The following PDSS1 variants were observed in gnomAD, a reference collection of about 807,000 sequenced individuals.
PDSS1 encodes decaprenyl diphosphate synthase subunit 1, also known as all trans-polyprenyl-diphosphate synthase PDSS1.
Under a neutral mutation model 57.5 loss-of-function variants are expected in PDSS1, and 43 were observed. That is an observed-to-expected ratio of 0.75 (90% CI 0.59 to 0.96). The LOEUF (loss-of-function observed/expected upper bound fraction) is 0.96. Among genes scored for constraint, PDSS1 ranks in the 50% least tolerant of loss-of-function variants. PDSS1 has a pLI of 0.00. For synonymous variants in PDSS1, 175 were observed against 191.3 expected (o/e 0.91, Z 0.70); for missense variants, 438 against 527.8 (o/e 0.83, Z 1.67).
intron 8 of PDSS1, among the ~76,000 whole-genome samples, chr10:26,726,934 C>T (rs1021379673): frequency 1.3e-5 from 2 of 151,930 alleles, no homozygotes; most frequent in Non-Finnish European, 2.9e-5. Flanking sequence ...TGGTGGTGCA[C>T]GCCTGTAATG....
intron 8 of PDSS1, chr10:26,734,853 G>T: frequency 2.3e-6 from 1 of 435,738 alleles, no homozygotes; most frequent in East Asian, 6.8e-5. Flanking sequence ...AATCGGGCTA[G>T]CTTGCCGAGT....
At chr10:26,738,188 G>GT (rs1256065864) in intron 10 of PDSS1, among the ~76,000 whole-genome samples, 3 of 152,172 alleles carry the variant, frequency 2.0e-5, no homozygotes, top group Admixed American at 2.0e-4. Context: ...CAAAAATAAC[G>GT]TAAGAATATG....
intron 5 of PDSS1, among the ~76,000 whole-genome samples, chr10:26,716,070 A>C (rs1329062031): frequency 6.6e-6 from 1 of 152,204 alleles, no homozygotes; most frequent in Non-Finnish European, 1.5e-5. Context: ...AAAAATTCCC[A>C]CTGAAGAGAG....
At chr10:26,732,229 GT>G (rs1836232583) in intron 8 of PDSS1, among the ~76,000 whole-genome samples, 1 of 152,214 alleles carries the variant, frequency 6.6e-6, no homozygotes, top group Non-Finnish European at 1.5e-5. Flanking sequence ...TGTGGCAGTT[GT>G]TTTCTGTTTT....
intron 11 of PDSS1, among the ~76,000 whole-genome samples, chr10:26,744,308 G>A (rs1171432305): frequency 1.3e-5 from 2 of 151,758 alleles, no homozygotes; most frequent in Admixed American, 6.6e-5. Context: ...AAATCCGAAG[G>A]CAAAAGAAAG....
In PDSS1 at chr10:26,737,758, T is replaced by C. The variant is rs1240765804; in HGVS notation, c.1026+2179T>C. On this transcript the variant is annotated intron_variant, in intron 10 of 11. Transcript: ENST00000376215. ...AAAAAAAAAAAAAAAAAAAGGCTGG[T>C]TAAAAAAAGCAAGCAAAAGGAAAAA... 3.1e-5 allele frequency among the ~76,000 whole-genome samples: 4 copies of C among 130,112 alleles called. No homozygotes were observed. The East Asian group carries it at 9.0e-4, about 29-fold the overall frequency. 85.4% of individuals were successfully genotyped at this position (130,112 alleles called of 152,430 possible).
At chr10:26,716,058 A>T (rs1184738656) in intron 5 of PDSS1, among the ~76,000 whole-genome samples, 1 of 152,170 alleles carries the variant, frequency 6.6e-6, no homozygotes, top group Non-Finnish European at 1.5e-5. Context: ...GGATCAAGTT[A>T]AAAAAATTCC....
intron 8 of PDSS1, among the ~76,000 whole-genome samples, chr10:26,731,196 C>T (rs1836181567): frequency 6.6e-6 from 1 of 152,206 alleles, no homozygotes; most frequent in South Asian, 2.1e-4. Flanking sequence ...CAAAAATTAG[C>T]CAGGTATGGT....
chr10:26,728,455 A>G (rs1452219829), intron 8 of PDSS1, among the ~76,000 whole-genome samples: 1 of 152,008 alleles, frequency 6.6e-6, no homozygotes, highest in African/African-American at 2.4e-5. Flanking sequence ...GCACCATTGC[A>G]CTCAAGCCTG....
At chr10:26,718,971 T>C (rs960546176) in intron 5 of PDSS1, among the ~76,000 whole-genome samples, 2 of 152,182 alleles carry the variant, frequency 1.3e-5, no homozygotes, top group African/African-American at 4.8e-5. Context: ...TTTATGTAGT[T>C]ATACTTCATT....
chr10:26,703,530 A>T (rs570555510), intron 2 of PDSS1, among the ~76,000 whole-genome samples: 1 of 152,270 alleles, frequency 6.6e-6, no homozygotes, highest in South Asian at 2.1e-4. Flanking sequence ...AGATGCCCTT[A>T]TTTATAAGTA....
rs746132971 is a variant in PDSS1, at chr10:26,709,687, T to C, written c.386T>C (p.Phe129Ser). 3.4e-5 allele frequency: 55 copies of C among 1,613,498 alleles called. No homozygotes were observed. The highest frequency in any genetic ancestry group is 4.6e-5 in the Non-Finnish European group (54 of 1,179,524). Reference sequence around the variant, plus strand: ...CTTAAGGAAATGTCTGAGTACTACTTTGATGGGAAAGGGAAAGCCTTTCGA... The same window carrying C: ...CTTAAGGAAATGTCTGAGTACTACTCTGATGGGAAAGGGAAAGCCTTTCGA... Reference protein sequence around the residue: ...SELKEMSEYYFDGKGKAFRPI... With the variant: ...SELKEMSEYYSDGKGKAFRPI... Residue 129 changes from phenylalanine (F) to serine (S), a missense_variant, in exon 5 of 12, where the codon TTT (phenylalanine) becomes TCT (serine). This residue lies in a region of PDSS1 where 284 missense variants were observed against 390.7 expected (regional missense o/e 0.73). Coordinates refer to ENST00000376215, the MANE Select transcript of PDSS1 (RefSeq NM_014317.5).
chr10:26,736,693 A>G (rs868335769), intron 10 of PDSS1, among the ~76,000 whole-genome samples: 13 of 152,136 alleles, frequency 8.5e-5, no homozygotes, highest in African/African-American at 2.9e-4. Flanking sequence ...TGCTAAGGCT[A>G]TGAATGGAGA....
At chr10:26,746,281 G>C (rs539262408) in intron 11 of PDSS1, 52 bp from the exon 12 acceptor site, 2 of 1,593,236 alleles carry the variant, frequency 1.3e-6, no homozygotes, top group Non-Finnish European at 1.7e-6. Flanking sequence ...AAGTTAAAAC[G>C]CTGATTCAGT....
chr10:26,699,065 C>T (rs925513615), intron 1 of PDSS1, among the ~76,000 whole-genome samples: 4 of 152,162 alleles, frequency 2.6e-5, no homozygotes, highest in Admixed American at 2.6e-4. Flanking sequence ...TTCAAGATTA[C>T]AGTGAGCTGT....
In PDSS1 at chr10:26,704,728, T is replaced by C; in HGVS notation, c.214T>C (p.Cys72Arg). 1 of 1,423,864 alleles carries C rather than the reference T, an allele frequency of 7.0e-7. No homozygotes were observed. Among genetic ancestry groups the C allele is most frequent in the Non-Finnish European group, 9.9e-7 (1 of 1,007,020 alleles). 88.2% of individuals were successfully genotyped at this position (1,423,864 alleles called of 1,614,324 possible). Residue 72 changes from cysteine (C) to arginine (R), a missense_variant, in exon 3 of 12, where the codon TGT (cysteine) becomes CGT (arginine). Coordinates refer to ENST00000376215, the MANE Select transcript of PDSS1 (RefSeq NM_014317.5). Reference protein sequence around the residue: ...KHLTSACPNVCRISRFHHTTP... With the variant: ...KHLTSACPNVRRISRFHHTTP... Reference sequence around the variant, plus strand: ...TTTAACATCTGCCTGTCCAAATGTATGTCGTATATCACGGTAAGTTTACAG... The same window carrying C: ...TTTAACATCTGCCTGTCCAAATGTACGTCGTATATCACGGTAAGTTTACAG...
In PDSS1 at chr10:26,704,740, C is replaced by A; in HGVS notation, c.226C>A (p.Arg76=). The change falls in exon 3 of 12, where the codon CGG becomes AGG. Residue 76 remains arginine (R), a splice_region_variant and synonymous_variant. Transcript: ENST00000376215. ...SACPNVCRIS[R]FHHTTPDSKT... ...CTGTCCAAATGTATGTCGTATATCA[C>A]GGTAAGTTTACAGTCCATACTGCAA... is the stretch of plus-strand genomic sequence containing the variant. The A allele has an allele frequency of 1.4e-6, 2 of 1,404,364 alleles. No individual in the cohort carries two copies. Among genetic ancestry groups the A allele is most frequent in the Non-Finnish European group, 2.0e-6 (2 of 989,308 alleles). The allele number at this position is 1,404,364 out of a possible 1,614,324, so 87.0% of individuals were successfully genotyped here.
rs1424912282 is a variant in PDSS1 at position 26,735,281 on chromosome 10, C to T, written c.873C>T (p.Ile291=). ...LGCPDPVVHE[I]AYQYGKNVGI... ...GTCCCGACCCAGTGGTGCATGAGAT[C>T]GCCTATCAGTACGGAAAAAATGTAG... The change falls in exon 9 of 12, where the codon ATC becomes ATT. Residue 291 remains isoleucine, a synonymous_variant. Transcript: ENST00000376215. 6 of 1,613,280 alleles carry T rather than the reference C, an allele frequency of 3.7e-6. No individual in the cohort carries two copies. The South Asian group carries it at 4.4e-5, about 12-fold the overall frequency.
At chr10:26,729,915 T>A (rs1054212310) in intron 8 of PDSS1, among the ~76,000 whole-genome samples, 43 of 93,494 alleles carry the variant, frequency 4.6e-4, no homozygotes, top group African/African-American at 7.9e-4. Flanking sequence ...TTTTTTTTTT[T>A]TTTTTTTTTT....
Sources: allele counts gnomAD v4.1 joint callset (sites outside exome capture counted in the v4.1 genomes callset), GRCh38; gene constraint gnomAD v4.1.1; regional missense constraint gnomAD v4.1.1; transcripts MANE v1.5; gene names NCBI Gene and HGNC (gene_info 2026-07-23, HGNC 2026-07-21).